The following URB1 variants were observed in gnomAD, a reference collection of about 807,000 sequenced individuals.
URB1 encodes URB1 ribosome biogenesis factor.
A neutral mutation model predicts 242.3 loss-of-function variants in URB1; 197 were observed. The observed-to-expected ratio is 0.81, with a 90% CI of 0.72 to 0.91. URB1 has a LOEUF of 0.91. URB1 is among the 40% of genes least tolerant of loss of function. The pLI, the probability that URB1 is intolerant of heterozygous loss-of-function variation, is 0.00. For synonymous variants in URB1, 1,153 were observed against 1,201.8 expected (o/e 0.96, Z 0.84); for missense variants, 2,721 against 2,860.5 (o/e 0.95, Z 1.11).
chr21:32,373,006 G>A (rs1465599788), intron 7 of URB1, among the ~76,000 whole-genome samples: 1 of 152,186 alleles, frequency 6.6e-6, no homozygotes, highest in Non-Finnish European at 1.5e-5. Context: ...ATAAAAGGAG[G>A]TGAAATATTA....
chr21:32,324,536 A>T lies in URB1; in HGVS notation c.5188T>A (p.Leu1730Met). The change falls in exon 32 of 39, where the codon TTG (leucine) becomes ATG (methionine). Residue 1730 changes from leucine to methionine, a missense_variant. By Grantham distance (15) the Leu-to-Met change is conservative. Transcript: ENST00000382751. ...RTQDMRLTFT[L>M]ALFIAKAALQ... ...GCTGCTTTGGCAATGAAGAGAGCCA[A>T]GGTAAAAGTAAGTCTCATGTCCTGA... 1 of 1,551,924 alleles carries T rather than the reference A, an allele frequency of 6.4e-7. No individual in the cohort carries two copies. The highest frequency in any genetic ancestry group is 1.2e-5 in the South Asian group (1 of 84,070).
Position 32,311,813 on chromosome 21 carries a change from G to C in URB1, c.*3105C>G, listed in dbSNP as rs2032582438. ...CACAGGCTCAGGCGAGCTCAGTGGA[G>C]CCAGGGAGCAGAACTGGCCCTGACC... On this transcript the variant is annotated 3_prime_UTR_variant, in exon 39 of 39. Coordinates refer to ENST00000382751, the MANE Select transcript of URB1 (RefSeq NM_014825.3). 6.2e-7 allele frequency: 1 copy of C among 1,614,084 alleles called. No homozygotes were observed. The highest frequency in any genetic ancestry group is 2.2e-5 in the East Asian group (1 of 44,870).
intron 32 of URB1, 82 bp downstream of exon 32, chr21:32,324,409 A>C: frequency 8.8e-7 from 1 of 1,136,294 alleles, no homozygotes; most frequent in African/African-American, 1.5e-5. Flanking sequence ...GACCCACTAT[A>C]CCTGTGGGAC....
intron 19 of URB1, 134 bp from the exon 20 acceptor site, chr21:32,351,056 G>A (rs1286526463): frequency 1.0e-5 from 9 of 903,642 alleles, no homozygotes; most frequent in African/African-American, 1.7e-5. Flanking sequence ...TAACGAATAC[G>A]GGACCGTGTG....
rs16989320 is a variant in URB1, at chr21:32,359,689, C to T, written c.1869+107G>A. 5.8e-3 allele frequency: 5,487 copies of T among 947,310 alleles called. 215 individuals are homozygous for T. The African/African-American group carries it at 0.084, about 14-fold the overall frequency. The allele number at this position is 947,310 out of a possible 1,614,324, so 58.7% of individuals were successfully genotyped here. ...TAAAATGAGAACTGTTAACCTCTTC[C>T]GTCTTGCCCCGTCAGGTTCTGAGCC... is the stretch of plus-strand genomic sequence containing the variant. On this transcript the variant is annotated intron_variant, in intron 14 of 38. Transcript: ENST00000382751.
chr21:32,316,284 A>G (rs969076717), intron 38 of URB1, among the ~76,000 whole-genome samples, 182 bp downstream of exon 38: 1 of 152,228 alleles, frequency 6.6e-6, no homozygotes, highest in African/African-American at 2.4e-5. Context: ...TTCCCTTCAC[A>G]TTCACTGCCC....
In URB1 at chr21:32,346,265, C is replaced by G. The variant is rs9978122; in HGVS notation, c.3869-690G>C. 4.0e-3 allele frequency among the ~76,000 whole-genome samples: 603 copies of G among 152,302 alleles called. 3 individuals are homozygous for G. Among genetic ancestry groups the G allele is most frequent in the African/African-American group, 0.014 (571 of 41,566 alleles). ...CGCTAGCTCCTTGCTTCCTGTACAG[C>G]CTGCAGACGCATGGGCCAAATAAGC... On this transcript the variant is annotated intron_variant, in intron 22 of 38. Coordinates refer to ENST00000382751, the MANE Select transcript of URB1 (RefSeq NM_014825.3).
At chr21:32,365,838 A>G (rs2033340544) in intron 10 of URB1, among the ~76,000 whole-genome samples, 1 of 152,190 alleles carries the variant, frequency 6.6e-6, no homozygotes, top group African/African-American at 2.4e-5. Flanking sequence ...CCTCACAGCC[A>G]ACCTGTTCCT....
At chr21:32,322,882 C>A (rs535979318) in intron 32 of URB1, among the ~76,000 whole-genome samples, 1 of 152,190 alleles carries the variant, frequency 6.6e-6, no homozygotes, top group Non-Finnish European at 1.5e-5. Context: ...TCAAACCAGC[C>A]GGTGGGAAGG....
At position 32,337,085 on chromosome 21, in the gene URB1, A is replaced by G. The variant is rs1222692580; in HGVS notation, c.4685+9T>C. ...TCAAGGCCTAGTCTACCTCTAGCCC[A>G]ACACTCACCTGAAGTTGATGAGGCT... On this transcript the variant is annotated intron_variant, in intron 28 of 38. Coordinates refer to ENST00000382751, the MANE Select transcript of URB1 (RefSeq NM_014825.3). 16 of 1,551,702 alleles carry G rather than the reference A, an allele frequency of 1.0e-5. No homozygotes were observed. The highest frequency in any genetic ancestry group is 1.4e-5 in the Non-Finnish European group (16 of 1,146,988).
intron 32 of URB1, among the ~76,000 whole-genome samples, chr21:32,323,296 G>A (rs938120000): frequency 6.7e-6 from 1 of 148,854 alleles, no homozygotes. Context: ...CAACTTGACT[G>A]TGAACTAACT....
At chr21:32,372,409 C>T in intron 8 of URB1, 98 bp downstream of exon 8, 1 of 1,415,054 alleles carries the variant, frequency 7.1e-7, no homozygotes, top group Admixed American at 2.8e-5. Context: ...GTCCACAATT[C>T]TAGTTCTAAC....
intron 16 of URB1, 30 bp from the exon 17 acceptor site, chr21:32,355,027 T>C (rs746022804): frequency 6.5e-7 from 1 of 1,534,706 alleles, no homozygotes; most frequent in South Asian, 1.2e-5. Flanking sequence ...ATAGAAAGCA[T>C]TCAGATGGTC....
intron 14 of URB1, among the ~76,000 whole-genome samples, chr21:32,357,873 ACAAAAATT>A (rs2033241761): frequency 6.6e-6 from 1 of 152,152 alleles, no homozygotes; most frequent in Admixed American, 6.5e-5. Context: ...ACTAAAAAAT[ACAAAAATT>A]AGCCAGTCAT....
intron 14 of URB1, among the ~76,000 whole-genome samples, chr21:32,358,216 T>C (rs1473114195): frequency 6.6e-6 from 1 of 151,986 alleles, no homozygotes; most frequent in Non-Finnish European, 1.5e-5. Context: ...ACTCACTGAA[T>C]CCTCCCAACA....
In URB1 at chr21:32,312,282, A is replaced by G; in HGVS notation, c.*2636T>C. ...AGGAAAATAAAATATATGCAAATCA[A>G]GAGGAAAAGCTGTTTGCTTACTAAT... On this transcript the variant is annotated 3_prime_UTR_variant, in exon 39 of 39. Transcript: ENST00000382751. The G allele has an allele frequency of 1.5e-6, 2 of 1,366,130 alleles. No individual in the cohort carries two copies. Among genetic ancestry groups the G allele is most frequent in the South Asian group, 1.5e-5 (1 of 65,196 alleles). 84.6% of individuals were successfully genotyped at this position (1,366,130 alleles called of 1,614,324 possible). A position where few individuals can be genotyped will look rare whatever the true frequency, so the allele number is the denominator to read the frequency against.
chr21:32,372,581 G>T lies in URB1; in HGVS notation c.927C>A (p.Asn309Lys). The change falls in exon 8 of 39, where the codon AAC becomes AAA. Residue 309 changes from asparagine to lysine, a missense_variant. Asn to Lys is a moderately conservative substitution (Grantham distance 94). Coordinates refer to ENST00000382751, the MANE Select transcript of URB1 (RefSeq NM_014825.3). ...GTGAACAGCAAAGATCCATCAGGAAGTTATGAACAAGCTCCCGCACCATGG... is the reference window on the plus strand; with the variant it reads ...GTGAACAGCAAAGATCCATCAGGAATTTATGAACAAGCTCCCGCACCATGG... ...GKTMVRELVHNFLMDLCCSLK... is the reference protein window; with the variant it reads ...GKTMVRELVHKFLMDLCCSLK... 1 of 1,551,672 alleles carries T rather than the reference G, an allele frequency of 6.4e-7. No individual in the cohort carries two copies. The highest frequency in any genetic ancestry group is 8.7e-7 in the Non-Finnish European group (1 of 1,146,998).
chr21:32,337,341 T>C, intron 27 of URB1, 63 bp downstream of exon 27: 1 of 1,460,536 alleles, frequency 6.8e-7, no homozygotes, highest in South Asian at 1.3e-5. Flanking sequence ...TCCCTATCTC[T>C]GCTCACACCC....
intron 30 of URB1, among the ~76,000 whole-genome samples, chr21:32,332,326 T>C (rs1402180039): frequency 6.6e-6 from 1 of 151,370 alleles, no homozygotes; most frequent in Non-Finnish European, 1.5e-5. Flanking sequence ...TTCATCAAAA[T>C]TAAAAGCTTT....
Sources: allele counts gnomAD v4.1 joint callset (sites outside exome capture counted in the v4.1 genomes callset), GRCh38; gene constraint gnomAD v4.1.1; transcripts MANE v1.5; gene names NCBI Gene and HGNC (gene_info 2026-07-23, HGNC 2026-07-21).